GLI3: variants seen among roughly 807,000 people sequenced by gnomAD.
GLI3 encodes the protein GLI family zinc finger 3, also known as transcription activator GLI3.
GLI3 carries 20 observed loss-of-function variants against 100.8 expected under a neutral mutation model. That is an observed-to-expected ratio of 0.20 (90% CI 0.14 to 0.29). The LOEUF (loss-of-function observed/expected upper bound fraction) is 0.29, where lower values mean the gene tolerates loss of function less well. Ranked by LOEUF, GLI3 falls within the 10% of genes least tolerant of loss-of-function variation. GLI3 has a pLI of 1.00. For missense variants in GLI3, 2,040 were observed against 2,128.5 expected (o/e 0.96, Z 0.82); for synonymous variants, 938 against 860.5 (o/e 1.09, Z -1.58).
intron 10 of GLI3, among the ~76,000 whole-genome samples, chr7:42,010,261 C>A (rs978180116): frequency 1.3e-5 from 2 of 152,198 alleles, no homozygotes; most frequent in Non-Finnish European, 2.9e-5. Context: ...TCTGGAGAAG[C>A]CTCATCTCTG....
upstream of GLI3, among the ~76,000 whole-genome samples, chr7:42,242,608 A>G (rs1231852505): frequency 1.3e-5 from 2 of 152,100 alleles, no homozygotes; most frequent in Non-Finnish European, 2.9e-5. Flanking sequence ...CCTTAGGCAG[A>G]GCAATTCATA....
intron 3 of GLI3, among the ~76,000 whole-genome samples, chr7:42,093,014 A>G (rs1371099016): frequency 6.6e-6 from 1 of 151,780 alleles, no homozygotes; most frequent in Non-Finnish European, 1.5e-5. Flanking sequence ...AGGTTTCACC[A>G]TGTTGACCAG....
intron 2 of GLI3, among the ~76,000 whole-genome samples, chr7:42,171,948 A>G (rs1350255974): frequency 2.0e-5 from 3 of 152,162 alleles, no homozygotes. Flanking sequence ...ATTGCCTCTG[A>G]GAATAAAACA....
intron 10 of GLI3, among the ~76,000 whole-genome samples, chr7:42,018,521 T>G (rs532007761): frequency 6.6e-6 from 1 of 152,242 alleles, no homozygotes; most frequent in African/African-American, 2.4e-5. Context: ...GTGAAAAGAA[T>G]GTCTTCACAT....
At position 42,072,017 on chromosome 7, in the gene GLI3, A is replaced by T. The variant is rs563057178; in HGVS notation, c.473+4735T>A. 3.3e-5 allele frequency among the ~76,000 whole-genome samples: 5 copies of T among 152,342 alleles called. No homozygotes were observed. In the South Asian group the frequency reaches 1.0e-3, roughly 32 times the overall value. ...GGGCTGACGTACAGAACAGAACATG[A>T]GTGCTCATTTTCCCTAAGACAGAAA... On this transcript the variant is annotated intron_variant, in intron 4 of 14. Transcript: ENST00000395925.
chr7:42,178,386 C>T (rs369489739), intron 2 of GLI3, among the ~76,000 whole-genome samples: 5 of 152,156 alleles, frequency 3.3e-5, no homozygotes, highest in South Asian at 2.1e-4. Context: ...ATGACCAGGA[C>T]GGCAGATACC....
chr7:41,966,445 G>A lies in GLI3; in HGVS notation c.2628C>T (p.Ser876=). 6.2e-7 allele frequency: 1 copy of A among 1,612,138 alleles called. No homozygotes were observed. The highest frequency in any genetic ancestry group is 1.1e-5 in the South Asian group (1 of 91,058). The change falls in exon 15 of 15, where the codon TCC becomes TCT. Residue 876 remains serine, a synonymous_variant. Coordinates refer to ENST00000395925, the MANE Select transcript of GLI3 (RefSeq NM_000168.6). This position sits in a 1 kb window ranked among gnomAD's most constrained non-coding sequence, Gnocchi z 5.8. The part of the protein sequence containing the change: ...GISPCFSSRR[S]SEASQAEGRP... ...GGCCCTCGGCCTGTGACGCCTCGCT[G>A]GAGCGGCGGCTGGAGAAGCAGGGCG...
intron 1 of GLI3, among the ~76,000 whole-genome samples, chr7:42,261,215 A>G (rs960715040): frequency 6.6e-6 from 1 of 151,182 alleles, no homozygotes; most frequent in Non-Finnish European, 1.5e-5. Flanking sequence ...ACACACACAC[A>G]CACACACAAC....
chr7:42,037,565 T>C (rs894091880), intron 7 of GLI3, among the ~76,000 whole-genome samples: 20 of 152,164 alleles, frequency 1.3e-4, no homozygotes, highest in African/African-American at 4.6e-4. Context: ...AGAATAGACA[T>C]ATAGTCCTAA....
rs1194305309 is a variant in GLI3 at position 41,965,479 on chromosome 7, G to T, written c.3594C>A (p.Val1198=). Residue 1198 remains valine (V), a synonymous_variant, in exon 15 of 15, where the codon GTC becomes GTA. Coordinates refer to ENST00000395925, the MANE Select transcript of GLI3 (RefSeq NM_000168.6). ...TCCTCAAGGGGTTCTGCGGGTGGAC[G>T]ACCATGCCGTTGCAGAACCCAAAGG... ...TRAFGFCNGM[V]VHPQNPLRSG... 6.2e-7 allele frequency: 1 copy of T among 1,609,180 alleles called. No homozygotes were observed. Among genetic ancestry groups the T allele is most frequent in the Non-Finnish European group, 8.5e-7 (1 of 1,177,218 alleles).
chr7:42,189,587 C>A (rs1038356799), intron 2 of GLI3, among the ~76,000 whole-genome samples: 1 of 152,154 alleles, frequency 6.6e-6, no homozygotes, highest in Non-Finnish European at 1.5e-5. Context: ...TTCAGATACT[C>A]TAACATGTAT....
chr7:42,206,303 T>A (rs1450414957), intron 2 of GLI3, among the ~76,000 whole-genome samples: 1 of 151,296 alleles, frequency 6.6e-6, no homozygotes, highest in Non-Finnish European at 1.5e-5. Context: ...ATAATAATAA[T>A]AATAAATTCT....
intron 4 of GLI3, among the ~76,000 whole-genome samples, chr7:42,076,540 G>A (rs549388260): frequency 2.9e-4 from 44 of 152,204 alleles, no homozygotes; most frequent in African/African-American, 9.4e-4. Flanking sequence ...AATACTTGTC[G>A]GCGACCTAGT....
chr7:42,017,725 C>T (rs1788807164), intron 10 of GLI3, among the ~76,000 whole-genome samples: 1 of 152,232 alleles, frequency 6.6e-6, no homozygotes, highest in Admixed American at 6.5e-5. Context: ...CTCTTGGCTT[C>T]AGTCTAGCGT....
At chr7:42,087,209 C>T (rs1184184350) in intron 3 of GLI3, among the ~76,000 whole-genome samples, 1 of 152,216 alleles carries the variant, frequency 6.6e-6, no homozygotes, top group Non-Finnish European at 1.5e-5. Flanking sequence ...ACACTTCCAT[C>T]TACCTAAGGG....
intron 3 of GLI3, among the ~76,000 whole-genome samples, chr7:42,109,684 C>T (rs950462125): frequency 6.6e-5 from 10 of 152,078 alleles, no homozygotes; most frequent in African/African-American, 2.4e-4. Context: ...ACCTCTGGGA[C>T]GAGAGGTTTC....
intron 3 of GLI3, among the ~76,000 whole-genome samples, chr7:42,119,941 G>T (rs1181003928): frequency 6.6e-6 from 1 of 152,100 alleles, no homozygotes; most frequent in African/African-American, 2.4e-5. Flanking sequence ...CAGATGAATC[G>T]AGTCATCCAC....
intron 10 of GLI3, among the ~76,000 whole-genome samples, chr7:41,988,288 CCT>C (rs1174932700): frequency 6.6e-6 from 1 of 152,036 alleles, no homozygotes; most frequent in Non-Finnish European, 1.5e-5. Flanking sequence ...GTGGTGAAAC[CCT>C]GTCTCTACTA....
At chr7:42,222,186 T>C (rs910059054) in intron 2 of GLI3, among the ~76,000 whole-genome samples, 6 of 152,162 alleles carry the variant, frequency 3.9e-5, no homozygotes, top group Admixed American at 3.3e-4. Flanking sequence ...TAGGTGGATG[T>C]AAAAACTTGT....
Sources: gnomAD v4.1 joint callset for allele counts (sites outside exome capture counted in the v4.1 genomes callset) on GRCh38, gnomAD v4.1.1 for gene constraint, Gnocchi (gnomAD v3.1) non-coding constraint, MANE v1.5 for transcripts, NCBI Gene and HGNC (gene_info 2026-07-23, HGNC 2026-07-21) for gene names.